Variants in ECRG4 observed in about 807,000 individuals in gnomAD.
ECRG4 encodes augurin.
ECRG4 carries 18 observed loss-of-function variants against 15.8 expected under a neutral mutation model. The ratio of observed to expected loss-of-function variants is 1.14; its 90% CI spans 0.79 to 1.69. The LOEUF is 1.69. Ranked by LOEUF, ECRG4 falls within the 40% of genes most tolerant of loss-of-function variation. The pLI is 0.00. For missense variants in ECRG4, 200 were observed against 190.9 expected, an observed-to-expected ratio of 1.05 and a Z score of -0.28; for synonymous variants, 82 against 73.9, an observed-to-expected ratio of 1.11 and a Z score of -0.56.
chr2:106,077,901 C>T lies in ECRG4; in HGVS notation c.422C>T (p.Ala141Val). 2 of 1,614,034 alleles carry T rather than the reference C, an allele frequency of 1.2e-6. No homozygotes were observed. Among genetic ancestry groups the T allele is most frequent in the Non-Finnish European group, 8.5e-7 (1 of 1,180,000 alleles). Residue 141 changes from alanine to valine, a missense_variant, in exon 4 of 4, where the codon GCC becomes GTC. By Grantham distance (64) the Ala-to-Val change is moderately conservative (BLOSUM62 0). Coordinates refer to ENST00000238044, the MANE Select transcript of ECRG4 (RefSeq NM_032411.3). ...PRSPYGFRHG[A>V]SVNYDDY ...AGCCCCTACGGCTTTAGGCATGGAG[C>T]CAGCGTCAACTACGATGACTACTAA... is the stretch of plus-strand genomic sequence containing the variant.
intron 2 of ECRG4, among the ~76,000 whole-genome samples, chr2:106,073,600 G>T (rs955067856): frequency 6.6e-6 from 1 of 152,182 alleles, no homozygotes; most frequent in African/African-American, 2.4e-5. Flanking sequence ...GGTGCGAGTG[G>T]GCTGCAGGAG....
intron 2 of ECRG4, 121 bp from the exon 3 acceptor site, chr2:106,073,765 G>A (rs907247497): frequency 8.7e-7 from 1 of 1,145,220 alleles, no homozygotes; most frequent in African/African-American, 1.5e-5. Context: ...TAAGAATGAA[G>A]TTGAGAGTCA....
At chr2:106,065,916 CG>C in intron 1 of ECRG4, 73 bp downstream of exon 1, 1 of 1,299,552 alleles carries the variant, frequency 7.7e-7, no homozygotes, top group East Asian at 3.1e-5. Flanking sequence ...CCATGGTGCC[CG>C]GGGAGAGCGA....
In ECRG4 at chr2:106,074,492, T is replaced by C. The variant is rs559244419; in HGVS notation, c.285+449T>C. On this transcript the variant is annotated intron_variant, in intron 3 of 3. Transcript: ENST00000238044. ...TGAAAAGGGACCTGTAAAGAGAGGA[T>C]GGGTCTTTGTAGAGGTTTTGGGGAA... 3.3e-5 allele frequency among the ~76,000 whole-genome samples: 5 copies of C among 152,282 alleles called. No individual in the cohort carries two copies. The East Asian group carries it at 9.7e-4, about 29-fold the overall frequency.
At chr2:106,065,877 G>A (rs1676200937) in intron 1 of ECRG4, 34 bp downstream of exon 1, 1 of 1,453,444 alleles carries the variant, frequency 6.9e-7, no homozygotes, top group Non-Finnish European at 9.0e-7. Flanking sequence ...ATTGATAGCG[G>A]CACCAGGGGT....
upstream of ECRG4, among the ~76,000 whole-genome samples, chr2:106,064,846 A>G (rs1467623055): frequency 6.6e-6 from 1 of 152,126 alleles, no homozygotes; most frequent in Non-Finnish European, 1.5e-5. Context: ...GTTGGGATAA[A>G]GTTGTTCTAG....
chr2:106,075,382 T>A (rs1036068685), intron 3 of ECRG4, among the ~76,000 whole-genome samples: 12 of 152,380 alleles, frequency 7.9e-5, no homozygotes, highest in African/African-American at 2.9e-4. Flanking sequence ...CCTCCTTCAG[T>A]AATTTGCATT....
chr2:106,073,327 A>G (rs908144927), intron 2 of ECRG4, among the ~76,000 whole-genome samples: 8 of 152,232 alleles, frequency 5.3e-5, no homozygotes, highest in African/African-American at 1.9e-4. Context: ...GCAGAGAGGC[A>G]CTGGCTTAAG....
At chr2:106,067,472 ATT>A (rs70953554) in intron 1 of ECRG4, among the ~76,000 whole-genome samples, 54 of 145,628 alleles carry the variant, frequency 3.7e-4, no homozygotes, top group Admixed American at 6.2e-4. Flanking sequence ...CAGTGAAAAT[ATT>A]TTTTTTTTTT....
At chr2:106,064,672 C>T (rs1199772591), upstream of ECRG4, among the ~76,000 whole-genome samples, 2 of 152,084 alleles carry the variant, frequency 1.3e-5, no homozygotes. Context: ...AGTGAAACTC[C>T]GTCTCAGGGA....
intron 3 of ECRG4, among the ~76,000 whole-genome samples, chr2:106,075,729 A>G (rs1023795872): frequency 1.3e-5 from 2 of 149,896 alleles, no homozygotes; most frequent in African/African-American, 4.9e-5. Context: ...CTCAAAAAAG[A>G]AAAAAAAAAG....
At chr2:106,070,232 G>A (rs1278108349) in intron 1 of ECRG4, among the ~76,000 whole-genome samples, 2 of 152,212 alleles carry the variant, frequency 1.3e-5, no homozygotes, top group Non-Finnish European at 2.9e-5. Context: ...GGCTGTTCCT[G>A]GACAACCAGA....
intron 1 of ECRG4, among the ~76,000 whole-genome samples, chr2:106,069,576 G>A (rs1188307918): frequency 6.6e-6 from 1 of 152,130 alleles, no homozygotes; most frequent in Non-Finnish European, 1.5e-5. Context: ...CTCAGGCTAT[G>A]CGCCTGCCTT....
Position 106,074,043 on chromosome 2 carries a change from G to C in ECRG4, c.285G>C (p.Ala95=), listed in dbSNP as rs183729457. 7.4e-6 allele frequency: 12 copies of C among 1,611,704 alleles called. No individual in the cohort carries two copies. The South Asian group carries it at 9.9e-5, about 13-fold the overall frequency. ...QQFLYMGFDE[A]KFEDDITYWL... ...TTCTCTACATGGGCTTTGACGAAGCGGTAGGTGTTGCCTCCGGCTGCAGGC... is the reference window on the plus strand; with the variant it reads ...TTCTCTACATGGGCTTTGACGAAGCCGTAGGTGTTGCCTCCGGCTGCAGGC... The change falls in exon 3 of 4, where the codon GCG becomes GCC. Residue 95 remains alanine, a splice_region_variant and synonymous_variant. Transcript: ENST00000238044.
intron 3 of ECRG4, among the ~76,000 whole-genome samples, chr2:106,077,224 G>T (rs564655072): frequency 6.6e-6 from 1 of 152,314 alleles, no homozygotes; most frequent in South Asian, 2.1e-4. Context: ...ATGCATCTGT[G>T]TACACTCTAA....
At chr2:106,077,202 C>T (rs1365831071) in intron 3 of ECRG4, among the ~76,000 whole-genome samples, 1 of 152,196 alleles carries the variant, frequency 6.6e-6, no homozygotes, top group Non-Finnish European at 1.5e-5. Context: ...AAAGCATTTG[C>T]AGAATAAATA....
At position 106,077,844 on chromosome 2, in the gene ECRG4, AC is replaced by A; in HGVS notation, c.366del (p.Tyr123MetfsTer83). On this transcript the variant is annotated frameshift_variant, in exon 4 of 4. Coordinates refer to ENST00000238044, the MANE Select transcript of ECRG4 (RefSeq NM_032411.3). LOFTEE classifies it high-confidence loss of function. ...HEYYGDYYQR[H>X]YDEDSAIGPR... ...TACTATGGCGATTACTACCAACGTCACTATGATGAAGACTCTGCAATTGGTC... is the reference window on the plus strand; with the variant it reads ...TACTATGGCGATTACTACCAACGTCATATGATGAAGACTCTGCAATTGGTC... 2 of 1,614,194 alleles carry A rather than the reference AC, an allele frequency of 1.2e-6. No individual in the cohort carries two copies. Among genetic ancestry groups the A allele is most frequent in the Non-Finnish European group, 1.7e-6 (2 of 1,180,024 alleles).
At position 106,077,885 on chromosome 2, in the gene ECRG4, G is replaced by A. The variant is rs148850657; in HGVS notation, c.406G>A (p.Gly136Ser). ...TGCAATTGGTCCCCGGAGCCCCTACGGCTTTAGGCATGGAGCCAGCGTCAA... is the reference window on the plus strand; with the variant it reads ...TGCAATTGGTCCCCGGAGCCCCTACAGCTTTAGGCATGGAGCCAGCGTCAA... The part of the protein sequence containing the change: ...DSAIGPRSPY[G>S]FRHGASVNYD... Residue 136 changes from glycine (G) to serine (S), a missense_variant, in exon 4 of 4, where the codon GGC becomes AGC. Gly to Ser is a moderately conservative substitution (Grantham distance 56, BLOSUM62 0). Coordinates refer to ENST00000238044, the MANE Select transcript of ECRG4 (RefSeq NM_032411.3). 42 of 1,614,080 alleles carry A rather than the reference G, an allele frequency of 2.6e-5. No homozygotes were observed. Among genetic ancestry groups the A allele is most frequent in the Admixed American group, 8.3e-5 (5 of 60,026 alleles).
intron 1 of ECRG4, among the ~76,000 whole-genome samples, chr2:106,069,901 AAAC>A (rs1488963285): frequency 2.6e-5 from 4 of 152,158 alleles, no homozygotes; most frequent in Admixed American, 2.0e-4. Context: ...ATTGCTTTTT[AAAC>A]AACTACATCA....
Sources: gnomAD v4.1 joint callset for allele counts (sites outside exome capture counted in the v4.1 genomes callset) on GRCh38, gnomAD v4.1.1 for gene constraint, MANE v1.5 for transcripts, NCBI Gene and HGNC (gene_info 2026-07-23, HGNC 2026-07-21) for gene names.